Variants in COL18A1 observed in about 807,000 individuals in gnomAD.
The protein encoded by COL18A1 is collagen type XVIII alpha 1 chain, also known as collagen alpha-1(XVIII) chain.
In COL18A1, 133 loss-of-function variants were observed where a neutral mutation model predicts 168.0. The ratio of observed to expected loss-of-function variants is 0.79; its 90% confidence interval spans 0.69 to 0.91. The LOEUF (loss-of-function observed/expected upper bound fraction) is 0.91. Among genes scored for constraint, COL18A1 ranks in the 40% least tolerant of loss-of-function variants. The pLI is 0.00. For synonymous variants in COL18A1, 949 were observed against 809.0 expected, an observed-to-expected ratio of 1.17 and a Z score of -2.94; for missense variants, 2,126 against 1,925.4, an observed-to-expected ratio of 1.10 and a Z score of -1.95.
chr21:45,435,439 C>T (rs117543441), intron 2 of COL18A1, among the ~76,000 whole-genome samples: 4,693 of 152,076 alleles, frequency 0.031, 87 homozygotes, highest in South Asian at 0.045. Context: ...AGGTGCTCAG[C>T]TGGGCCATGG....
At chr21:45,439,662 C>T (rs1400525181) in intron 2 of COL18A1, among the ~76,000 whole-genome samples, 1 of 152,232 alleles carries the variant, frequency 6.6e-6, no homozygotes, top group Non-Finnish European at 1.5e-5. Context: ...GGTCTGCGAG[C>T]TGCGGCCGTG....
intron 19 of COL18A1, 134 bp downstream of exon 19, chr21:45,489,655 A>T: frequency 1.5e-6 from 1 of 657,362 alleles, no homozygotes; most frequent in Non-Finnish European, 2.5e-6. Flanking sequence ...ATAATTGAAG[A>T]CGTGCTGGTT....
At chr21:45,418,832 C>T (rs2033533601) in intron 2 of COL18A1, among the ~76,000 whole-genome samples, 1 of 152,256 alleles carries the variant, frequency 6.6e-6, no homozygotes, top group African/African-American at 2.4e-5. Flanking sequence ...TGCCTGCGGC[C>T]CTGCGAGGCG....
At chr21:45,465,135 C>G (rs1344945515) in intron 2 of COL18A1, among the ~76,000 whole-genome samples, 1 of 152,224 alleles carries the variant, frequency 6.6e-6, no homozygotes, top group South Asian at 2.1e-4. Flanking sequence ...CTGAAGCACT[C>G]GCAGGTATTT....
At chr21:45,505,538 C>A in intron 36 of COL18A1, 107 bp downstream of exon 36, 1 of 725,022 alleles carries the variant, frequency 1.4e-6, no homozygotes, top group Non-Finnish European at 2.4e-6. Context: ...GGGAGATATA[C>A]AGGAGGCCAA....
chr21:45,441,027 G>A (rs931722682), intron 2 of COL18A1, among the ~76,000 whole-genome samples: 10 of 152,196 alleles, frequency 6.6e-5, no homozygotes, highest in Non-Finnish European at 1.5e-4. Flanking sequence ...CTCACTGCTT[G>A]CCCCCGGGAT....
intron 2 of COL18A1, among the ~76,000 whole-genome samples, chr21:45,433,605 A>G (rs1170917943): frequency 1.3e-5 from 2 of 152,142 alleles, no homozygotes; most frequent in Non-Finnish European, 2.9e-5. Flanking sequence ...CTATGAGAAG[A>G]GCTCCTGCAA....
chr21:45,496,182 A>G, intron 29 of COL18A1: 1 of 529,770 alleles, frequency 1.9e-6, no homozygotes, highest in Non-Finnish European at 3.6e-6. Flanking sequence ...CTTTTGAGCC[A>G]AGAGCTTTGT....
intron 2 of COL18A1, among the ~76,000 whole-genome samples, chr21:45,465,219 G>A (rs1010298174): frequency 1.3e-5 from 2 of 152,142 alleles, no homozygotes; most frequent in Non-Finnish European, 2.9e-5. Flanking sequence ...GCACAGCCTC[G>A]CCTTTGTTTA....
At chr21:45,451,497 C>T (rs2034621292) in intron 2 of COL18A1, among the ~76,000 whole-genome samples, 2 of 152,184 alleles carry the variant, frequency 1.3e-5, no homozygotes, top group African/African-American at 4.8e-5. Context: ...TCCGGGATCC[C>T]ACGGGGTTGG....
chr21:45,408,984 G>A (rs1407514441), intron 2 of COL18A1, among the ~76,000 whole-genome samples: 2 of 151,606 alleles, frequency 1.3e-5, no homozygotes, highest in African/African-American at 4.9e-5. Context: ...GCCGGCACTG[G>A]CTCCCCACCA....
intron 2 of COL18A1, among the ~76,000 whole-genome samples, chr21:45,413,870 G>T (rs868057165): frequency 8.5e-5 from 13 of 152,336 alleles, no homozygotes; most frequent in Admixed American, 1.3e-4. Context: ...GATTGGAGGG[G>T]TGCTGAGGGA....
In COL18A1 at chr21:45,484,402, C is replaced by T. The variant is rs1190249076; in HGVS notation, c.1701+1581C>T. On this transcript the variant is annotated intron_variant, in intron 15 of 41. Coordinates refer to ENST00000651438, the MANE Select transcript of COL18A1 (RefSeq NM_001379500.1). ...CACACATCTCCAGCATGTGTGTACA[C>T]ACACACACACCTCTCCAGCATATGT... 2.1e-5 allele frequency among the ~76,000 whole-genome samples: 3 copies of T among 139,652 alleles called. 1 individual carries two copies. 91.6% of individuals were successfully genotyped at this position (139,652 alleles called of 152,430 possible). A position where few individuals can be genotyped will look rare whatever the true frequency, so the allele number is the denominator to read the frequency against.
At chr21:45,497,742 A>T (rs1190639872) in intron 32 of COL18A1, 81 bp downstream of exon 32, 1 of 1,535,764 alleles carries the variant, frequency 6.5e-7, no homozygotes, top group Admixed American at 2.0e-5. Context: ...AGCCGCCACC[A>T]CAAGCAGGTC....
intron 22 of COL18A1, among the ~76,000 whole-genome samples, chr21:45,491,564 C>A (rs922842898): frequency 6.9e-6 from 1 of 144,464 alleles, no homozygotes; most frequent in Non-Finnish European, 1.6e-5. Flanking sequence ...AGTGTTTTTA[C>A]GTCAAAGGCT....
intron 26 of COL18A1, 124 bp from the exon 27 acceptor site, chr21:45,494,421 G>A (rs1369263873): frequency 1.6e-5 from 23 of 1,412,360 alleles, no homozygotes; most frequent in East Asian, 2.3e-5. Flanking sequence ...GCGGCCCTTA[G>A]GGAGGCTATC....
rs532170575 is a variant in COL18A1, at chr21:45,473,615, C to T, written c.652-280C>T. On this transcript the variant is annotated intron_variant, in intron 3 of 41. Coordinates refer to ENST00000651438, the MANE Select transcript of COL18A1 (RefSeq NM_001379500.1). This position sits in a 1 kb window ranked among gnomAD's most constrained non-coding sequence, Gnocchi z 4.0. ...GCTGTGGTTCTAAACCCGTAGCCCTCAGGTGGCCCATCAGCTGCCTCAGAT... is the reference window on the plus strand; with the variant it reads ...GCTGTGGTTCTAAACCCGTAGCCCTTAGGTGGCCCATCAGCTGCCTCAGAT... 1.6e-4 allele frequency among the ~76,000 whole-genome samples: 25 copies of T among 152,324 alleles called. No homozygotes were observed. In the South Asian group the frequency reaches 5.2e-3, roughly 32 times the overall value.
intron 2 of COL18A1, 43 bp downstream of exon 2, chr21:45,405,516 C>CGGCCTCGCCGCCCTGGCTGGG (rs2033068285): frequency 7.4e-6 from 9 of 1,208,960 alleles, no homozygotes; most frequent in Non-Finnish European, 7.4e-6. Flanking sequence ...CGGTGCCCGC[C>CGGCCTCGCCGCCCTGGCTGGG]GGCCTCGCCG....
chr21:45,507,624 G>A, intron 38 of COL18A1, 31 bp downstream of exon 38: 1 of 1,608,398 alleles, frequency 6.2e-7, no homozygotes, highest in Non-Finnish European at 8.5e-7. Flanking sequence ...TGAGACTGGT[G>A]GGTGGTCAGG....
Sources: gnomAD v4.1 joint callset for allele counts (sites outside exome capture counted in the v4.1 genomes callset) on GRCh38, gnomAD v4.1.1 for gene constraint, Gnocchi (gnomAD v3.1) non-coding constraint, MANE v1.5 for transcripts, NCBI Gene and HGNC (gene_info 2026-07-23, HGNC 2026-07-21) for gene names.